TRABD2B: variants seen among roughly 807,000 people sequenced by gnomAD.
TRABD2B encodes the protein TraB domain containing 2B, also known as metalloprotease TIKI2.
In TRABD2B, 14 loss-of-function variants were observed where a neutral mutation model predicts 40.1. The ratio of observed to expected loss-of-function variants is 0.35; its 90% confidence interval spans 0.23 to 0.55. The LOEUF (loss-of-function observed/expected upper bound fraction) is 0.55, where lower values mean the gene tolerates loss of function less well. Among genes scored for constraint, TRABD2B ranks in the 20% least tolerant of loss-of-function variants. The pLI is 0.90. For missense variants in TRABD2B, 541 were observed against 648.6 expected, an observed-to-expected ratio of 0.83 and a Z score of 1.80; for synonymous variants, 263 against 277.0, an observed-to-expected ratio of 0.95 and a Z score of 0.50.
At chr1:47,959,754 T>C (rs1008848395) in intron 2 of TRABD2B, among the ~76,000 whole-genome samples, 2 of 152,126 alleles carry the variant, frequency 1.3e-5, no homozygotes, top group Non-Finnish European at 2.9e-5. Context: ...CAGGACCAGA[T>C]AGATTCACAG....
At chr1:47,821,819 CTT>C (rs1645114568) in intron 2 of TRABD2B, among the ~76,000 whole-genome samples, 1 of 152,174 alleles carries the variant, frequency 6.6e-6, no homozygotes, top group Non-Finnish European at 1.5e-5. Context: ...TGGTCACCCT[CTT>C]TGTACACCCT....
chr1:47,872,521 T>TA (rs1644158839), intron 2 of TRABD2B, among the ~76,000 whole-genome samples: 1 of 152,150 alleles, frequency 6.6e-6, no homozygotes, highest in Admixed American at 6.5e-5. Flanking sequence ...GTATTGCCTT[T>TA]ACCTCTCTGG....
intron 2 of TRABD2B, among the ~76,000 whole-genome samples, chr1:47,950,114 T>C (rs1487340497): frequency 6.6e-6 from 1 of 151,948 alleles, no homozygotes. Context: ...TGAAACCCCA[T>C]CTCTACTAAA....
intron 2 of TRABD2B, among the ~76,000 whole-genome samples, chr1:47,905,259 C>T (rs193266282): frequency 5.9e-5 from 9 of 152,330 alleles, no homozygotes; most frequent in Middle Eastern, 3.4e-3. Context: ...AAACTCCATT[C>T]CTTCATTTTT....
intron 1 of TRABD2B, among the ~76,000 whole-genome samples, chr1:47,995,221 G>A (rs189209881): frequency 2.6e-5 from 4 of 152,212 alleles, no homozygotes; most frequent in Non-Finnish European, 4.4e-5. Context: ...CATTCATCAC[G>A]GTGAATACAC....
At chr1:47,860,980 C>T (rs929994429) in intron 2 of TRABD2B, among the ~76,000 whole-genome samples, 6 of 152,134 alleles carry the variant, frequency 3.9e-5, no homozygotes, top group African/African-American at 1.4e-4. Context: ...CCTGTCTAAG[C>T]AACATGAAAT....
chr1:47,786,938 C>T (rs1644603365), intron 4 of TRABD2B, among the ~76,000 whole-genome samples: 1 of 152,160 alleles, frequency 6.6e-6, no homozygotes, highest in Non-Finnish European at 1.5e-5. Flanking sequence ...CTCCTGGCTT[C>T]AGGTGATTCT....
At chr1:47,840,172 T>C (rs187521674) in intron 2 of TRABD2B, among the ~76,000 whole-genome samples, 2 of 152,232 alleles carry the variant, frequency 1.3e-5, no homozygotes, top group African/African-American at 2.4e-5. Flanking sequence ...GTGGGCACTA[T>C]CATGTAGGGA....
chr1:47,925,666 T>C (rs995566117), intron 2 of TRABD2B, among the ~76,000 whole-genome samples: 38 of 152,368 alleles, frequency 2.5e-4, no homozygotes, highest in African/African-American at 8.2e-4. Flanking sequence ...ACACAGTTTG[T>C]CCTAAGGAGT....
chr1:47,781,653 C>T (rs1013560784), intron 4 of TRABD2B, among the ~76,000 whole-genome samples: 2 of 152,256 alleles, frequency 1.3e-5, no homozygotes, highest in African/African-American at 4.8e-5. Context: ...CCATTCTCTC[C>T]TTCTCTAAGC....
At chr1:47,963,766 A>G (rs565772673) in intron 2 of TRABD2B, among the ~76,000 whole-genome samples, 66 of 152,348 alleles carry the variant, frequency 4.3e-4, no homozygotes, top group African/African-American at 1.5e-3. Context: ...CAACCGTCCT[A>G]TGAAGTTTCA....
chr1:47,900,990 C>T (rs1570247462), intron 2 of TRABD2B, among the ~76,000 whole-genome samples: 1 of 152,268 alleles, frequency 6.6e-6, no homozygotes, highest in South Asian at 2.1e-4. Flanking sequence ...CATCAAAACC[C>T]TCCATCATTA....
At position 47,765,421 on chromosome 1, in the gene TRABD2B, C is replaced by T. The variant is rs1008228566; in HGVS notation, c.*481G>A. 14 of 157,122 alleles carry T rather than the reference C, an allele frequency of 8.9e-5. No homozygotes were observed. The highest frequency in any genetic ancestry group is 1.7e-4 in the Non-Finnish European group (12 of 71,048). The allele number at this position is 157,122 out of a possible 1,614,324, so 9.7% of individuals were successfully genotyped here. A position where few individuals can be genotyped will look rare whatever the true frequency, so the allele number is the denominator to read the frequency against. Reference sequence around the variant, plus strand: ...TGGCCAACGTTCACACCTCTGGCTCCCAAATCCAGCTTCACAAAGGCTAAG... The same window carrying T: ...TGGCCAACGTTCACACCTCTGGCTCTCAAATCCAGCTTCACAAAGGCTAAG... On this transcript the variant is annotated 3_prime_UTR_variant, in exon 7 of 7. Coordinates refer to ENST00000606738, the MANE Select transcript of TRABD2B (RefSeq NM_001194986.2).
chr1:47,915,255 G>A lies in TRABD2B; in HGVS notation c.666+78779C>T, dbSNP rs181979640. Among the ~76,000 whole-genome samples the A allele has an allele frequency of 1.2e-4, 19 of 152,294 alleles. No individual in the cohort carries two copies. The East Asian group carries it at 3.5e-3, about 28-fold the overall frequency. Reference sequence around the variant, plus strand: ...GGGTGACCTATGCAGGAGACTAGAAGCAACTCCAGAGAGCATTGCCTCGGT... The same window carrying A: ...GGGTGACCTATGCAGGAGACTAGAAACAACTCCAGAGAGCATTGCCTCGGT... On this transcript the variant is annotated intron_variant, in intron 2 of 6. Transcript: ENST00000606738.
At chr1:47,938,226 G>A (rs761016480) in intron 2 of TRABD2B, among the ~76,000 whole-genome samples, 41 of 152,300 alleles carry the variant, frequency 2.7e-4, no homozygotes, top group African/African-American at 8.7e-4. Context: ...ACAGGTGAGC[G>A]GGGTTCAACG....
intron 2 of TRABD2B, among the ~76,000 whole-genome samples, chr1:47,930,414 T>A (rs1293064524): frequency 1.3e-5 from 2 of 152,174 alleles, no homozygotes; most frequent in African/African-American, 4.8e-5. Context: ...TGACTCCAGC[T>A]ACTCCTCAGC....
chr1:47,822,011 G>T (rs148660301), intron 2 of TRABD2B, among the ~76,000 whole-genome samples: 2 of 152,124 alleles, frequency 1.3e-5, no homozygotes, highest in African/African-American at 2.4e-5. Flanking sequence ...ACACAGAGAC[G>T]TGCACAAACA....
intron 4 of TRABD2B, among the ~76,000 whole-genome samples, chr1:47,788,462 C>G (rs141122315): frequency 6.6e-6 from 1 of 152,274 alleles, no homozygotes; most frequent in East Asian, 1.9e-4. Context: ...GAGCCAGCCT[C>G]TCTGTCTCTG....
At chr1:47,769,692 G>T (rs1242309860) in intron 6 of TRABD2B, among the ~76,000 whole-genome samples, 3 of 152,234 alleles carry the variant, frequency 2.0e-5, no homozygotes, top group Non-Finnish European at 2.9e-5. Flanking sequence ...GTGTTCCCAG[G>T]CTCCACAGAT....
Sources: allele counts gnomAD v4.1 joint callset (sites outside exome capture counted in the v4.1 genomes callset), GRCh38; gene constraint gnomAD v4.1.1; transcripts MANE v1.5; gene names NCBI Gene and HGNC (gene_info 2026-07-23, HGNC 2026-07-21).